Variants in GTPBP10 observed in about 807,000 individuals in gnomAD.
GTPBP10 encodes GTP-binding protein 10.
GTPBP10 carries 38 observed loss-of-function variants against 44.8 expected under a neutral mutation model. The observed-to-expected ratio is 0.85, with a 90% CI of 0.65 to 1.11. The LOEUF (loss-of-function observed/expected upper bound fraction) is 1.11, where lower values mean the gene tolerates loss of function less well. Ranked by LOEUF, GTPBP10 falls within the 50% of genes most tolerant of loss-of-function variation. The pLI is 0.00. For missense variants in GTPBP10, 462 were observed against 453.7 expected, an observed-to-expected ratio of 1.02 and a Z score of -0.17; for synonymous variants, 152 against 150.6, an observed-to-expected ratio of 1.01 and a Z score of -0.07.
intron 8 of GTPBP10, among the ~76,000 whole-genome samples, chr7:90,381,954 C>A (rs1796441790): frequency 6.6e-6 from 1 of 151,872 alleles, no homozygotes; most frequent in Admixed American, 6.6e-5. Context: ...ACCATAAAAC[C>A]ACTAGAAGAA....
intron 4 of GTPBP10, among the ~76,000 whole-genome samples, chr7:90,363,059 G>T (rs1232644927): frequency 1.3e-5 from 2 of 151,470 alleles, no homozygotes; most frequent in Non-Finnish European, 1.5e-5. Context: ...CCTAAATACA[G>T]CACACTCTTG....
chr7:90,355,663 A>G (rs779271583), intron 4 of GTPBP10, among the ~76,000 whole-genome samples: 17 of 152,050 alleles, frequency 1.1e-4, no homozygotes, highest in Admixed American at 6.6e-5. Context: ...TCGTTAATCA[A>G]ATGGCTAAAG....
In GTPBP10 at chr7:90,384,958, C is replaced by G; in HGVS notation, c.968C>G (p.Pro323Arg). 10 of 1,612,008 alleles carry G rather than the reference C, an allele frequency of 6.2e-6. No homozygotes were observed. Among genetic ancestry groups the G allele is most frequent in the Non-Finnish European group, 8.5e-6 (10 of 1,178,358 alleles). ...ERTVEFQHII[P>R]ISAVTGEGIE... The stretch of plus-strand genomic sequence containing the variant: ...ACTGTAGAGTTCCAACATATCATCC[C>G]CATATCTGCAGTTACTGGAGAAGGA... The change falls in exon 10 of 10, where the codon CCC (proline) becomes CGC (arginine). Residue 323 changes from proline (P) to arginine (R), a missense_variant. By Grantham distance (103) the Pro-to-Arg change is moderately radical. Transcript: ENST00000222511.
intron 5 of GTPBP10, among the ~76,000 whole-genome samples, chr7:90,373,592 A>G (rs1796297721): frequency 6.6e-6 from 1 of 152,182 alleles, no homozygotes; most frequent in South Asian, 2.1e-4. Flanking sequence ...AAGAGCAAAA[A>G]GTCATAGGAA....
At chr7:90,365,912 G>A (rs1390030269) in intron 4 of GTPBP10, among the ~76,000 whole-genome samples, 1 of 152,156 alleles carries the variant, frequency 6.6e-6, no homozygotes, top group Non-Finnish European at 1.5e-5. Context: ...GTCATAAATA[G>A]CCCTTAATAT....
intron 8 of GTPBP10, among the ~76,000 whole-genome samples, chr7:90,381,055 C>T (rs184799987): frequency 2.0e-5 from 3 of 152,206 alleles, no homozygotes; most frequent in Admixed American, 2.0e-4. Context: ...GAGGTTGATT[C>T]CATGTCTCGG....
rs1385541908 is a variant in GTPBP10 at position 90,352,915 on chromosome 7, G to A, written c.133G>A (p.Val45Ile). Residue 45 changes from valine to isoleucine, a missense_variant, in exon 2 of 10, where the codon GTC (valine) becomes ATC (isoleucine). By Grantham distance (29) the Val-to-Ile change is conservative. Coordinates refer to ENST00000222511, the MANE Select transcript of GTPBP10 (RefSeq NM_033107.4). ...LGGEGGKGGD[V>I]WVVAQNRMTL... ...TGGAGAAGGTGGAAAAGGTGGTGAT[G>A]TCTGGGTTGTAGCCCAGAACAGAAT... The A allele has an allele frequency of 6.2e-7, 1 of 1,613,828 alleles. No individual in the cohort carries two copies. Among genetic ancestry groups the A allele is most frequent in the South Asian group, 1.1e-5 (1 of 91,064 alleles).
chr7:90,349,886 G>T (rs945899483), intron 1 of GTPBP10, among the ~76,000 whole-genome samples: 2 of 151,346 alleles, frequency 1.3e-5, no homozygotes, highest in Non-Finnish European at 2.9e-5. Flanking sequence ...CTGTTATCTT[G>T]ATATTTCTAA....
chr7:90,364,897 T>C (rs1046502429), intron 4 of GTPBP10, among the ~76,000 whole-genome samples: 1 of 152,112 alleles, frequency 6.6e-6, no homozygotes, highest in African/African-American at 2.4e-5. Flanking sequence ...TAGCAATGAG[T>C]GAAGCTCCGT....
chr7:90,350,501 T>A (rs1336137833), intron 1 of GTPBP10, among the ~76,000 whole-genome samples: 1 of 152,146 alleles, frequency 6.6e-6, no homozygotes, highest in African/African-American at 2.4e-5. Context: ...TCAAACCTCC[T>A]TCTAAAATTA....
At chr7:90,346,902 C>T (rs1431193121) in intron 1 of GTPBP10, 128 bp downstream of exon 1, 3 of 1,003,038 alleles carry the variant, frequency 3.0e-6, no homozygotes, top group Non-Finnish European at 4.7e-6. Flanking sequence ...TAGACTTCTC[C>T]GCCCCTCCTG....
intron 9 of GTPBP10, among the ~76,000 whole-genome samples, chr7:90,383,546 G>A (rs1796468836): frequency 6.6e-6 from 1 of 152,176 alleles, no homozygotes; most frequent in African/African-American, 2.4e-5. Context: ...AAGAGGATGA[G>A]TCTTCTGAAA....
chr7:90,351,409 A>G (rs542952930), intron 1 of GTPBP10, among the ~76,000 whole-genome samples: 1 of 152,304 alleles, frequency 6.6e-6, no homozygotes, highest in Non-Finnish European at 1.5e-5. Flanking sequence ...GCAAAACCCC[A>G]TCTCTAGTTT....
intron 4 of GTPBP10, chr7:90,371,126 A>G: frequency 2.6e-6 from 2 of 768,044 alleles, no homozygotes; most frequent in Non-Finnish European, 3.2e-6. Flanking sequence ...GTTTAAAGTT[A>G]TTTTAAAAAA....
At position 90,385,172 on chromosome 7, in the gene GTPBP10, T is replaced by C. The variant is rs1178516571; in HGVS notation, c.*18T>C. 6.5e-7 allele frequency: 1 copy of C among 1,535,386 alleles called. No homozygotes were observed. The highest frequency in any genetic ancestry group is 1.4e-5 in the African/African-American group (1 of 72,568). On this transcript the variant is annotated 3_prime_UTR_variant, in exon 10 of 10. Transcript: ENST00000222511. Reference sequence around the variant, plus strand: ...TAATTTAAATATATTAAAAATGGTATTGATGGAACAGTATTTAATGCTTAA... The same window carrying C: ...TAATTTAAATATATTAAAAATGGTACTGATGGAACAGTATTTAATGCTTAA...
At chr7:90,377,887 A>G (rs557746483) in intron 7 of GTPBP10, 13 of 353,848 alleles carry the variant, frequency 3.7e-5, no homozygotes, top group Non-Finnish European at 4.8e-5. Flanking sequence ...CTAGAGTTAT[A>G]TATGAGATTG....
intron 4 of GTPBP10, among the ~76,000 whole-genome samples, chr7:90,363,705 T>A (rs1301509824): frequency 2.0e-5 from 3 of 152,246 alleles, no homozygotes; most frequent in African/African-American, 7.2e-5. Context: ...GAGGAAGTTC[T>A]CCTGGATAAT....
At chr7:90,384,502 T>C (rs530744731) in intron 9 of GTPBP10, among the ~76,000 whole-genome samples, 2 of 152,180 alleles carry the variant, frequency 1.3e-5, no homozygotes, top group Non-Finnish European at 2.9e-5. Flanking sequence ...TCCAGTGTAC[T>C]GAGGCCAAGT....
At position 90,383,495 on chromosome 7, in the gene GTPBP10, A is replaced by C. The variant is rs1338221488; in HGVS notation, c.901+416A>C. 5.9e-5 allele frequency among the ~76,000 whole-genome samples: 9 copies of C among 152,356 alleles called. No individual in the cohort carries two copies. In the South Asian group the frequency reaches 1.7e-3, roughly 28 times the overall value. ...TAAAGACAGAACTAAGAAGTTCTAA[A>C]GAAGTATGTTTCTTGGCAAAAGTAA... On this transcript the variant is annotated intron_variant, in intron 9 of 9. Coordinates refer to ENST00000222511, the MANE Select transcript of GTPBP10 (RefSeq NM_033107.4).
Sources: gnomAD v4.1 joint callset for allele counts (sites outside exome capture counted in the v4.1 genomes callset) on GRCh38, gnomAD v4.1.1 for gene constraint, MANE v1.5 for transcripts, NCBI Gene and HGNC (gene_info 2026-07-23, HGNC 2026-07-21) for gene names.